The following PPP4R3A variants were observed in gnomAD, a reference collection of about 807,000 sequenced individuals.
PPP4R3A encodes the protein protein phosphatase 4 regulatory subunit 3A.
PPP4R3A carries 15 observed loss-of-function variants against 91.7 expected under a neutral mutation model. The ratio of observed to expected loss-of-function variants is 0.16; its 90% CI spans 0.11 to 0.25. The LOEUF (loss-of-function observed/expected upper bound fraction) is 0.25, where lower values mean the gene tolerates loss of function less well. Ranked by LOEUF, PPP4R3A falls within the 10% of genes least tolerant of loss-of-function variation. The probability of loss-of-function intolerance (pLI) is 1.00; values close to 1 mark genes in which losing one functional copy is unlikely to be tolerated. For missense variants in PPP4R3A, 623 were observed against 998.4 expected (o/e 0.62, Z 5.07); for synonymous variants, 377 against 348.7 (o/e 1.08, Z -0.91).
chr14:91,509,784 G>C lies in PPP4R3A; in HGVS notation c.-137C>G, dbSNP rs942709355. The C allele has an allele frequency of 5.6e-6, 7 of 1,257,062 alleles. No individual in the cohort carries two copies. The highest frequency in any genetic ancestry group is 7.0e-6 in the Non-Finnish European group (7 of 1,005,892). 77.9% of individuals were successfully genotyped at this position (1,257,062 alleles called of 1,614,324 possible). Reference sequence around the variant, plus strand: ...CCTCACTGCCGCCGCTGGGCGCCGCGGGGCCGCGCCGCCGCCTGCATGGCC... The same window carrying C: ...CCTCACTGCCGCCGCTGGGCGCCGCCGGGCCGCGCCGCCGCCTGCATGGCC... On this transcript the variant is annotated 5_prime_UTR_variant, in exon 1 of 15. Coordinates refer to ENST00000554943, the MANE Select transcript of PPP4R3A (RefSeq NM_001366432.2).
At chr14:91,493,257 C>A (rs1215733184) in intron 1 of PPP4R3A, among the ~76,000 whole-genome samples, 1 of 145,326 alleles carries the variant, frequency 6.9e-6, no homozygotes, top group East Asian at 1.9e-4. Flanking sequence ...GGCATGGTTG[C>A]TGTGAGCTGA....
At chr14:91,503,433 T>C (rs1891083284) in intron 1 of PPP4R3A, among the ~76,000 whole-genome samples, 1 of 152,186 alleles carries the variant, frequency 6.6e-6, no homozygotes, top group African/African-American at 2.4e-5. Flanking sequence ...TACAGGTGTT[T>C]AACACCACAC....
chr14:91,507,149 T>C (rs1464834907), intron 1 of PPP4R3A, among the ~76,000 whole-genome samples: 1 of 151,262 alleles, frequency 6.6e-6, no homozygotes, highest in Non-Finnish European at 1.5e-5. Context: ...TGAAACCCCG[T>C]CTCTACTAAA....
chr14:91,483,053 C>G (rs1237283003), intron 3 of PPP4R3A, among the ~76,000 whole-genome samples: 2 of 152,102 alleles, frequency 1.3e-5, no homozygotes, highest in Non-Finnish European at 1.5e-5. Flanking sequence ...AATTTTATGC[C>G]ACTGGAGGGG....
chr14:91,509,128 G>C (rs1024464198), intron 1 of PPP4R3A, among the ~76,000 whole-genome samples: 3 of 152,218 alleles, frequency 2.0e-5, no homozygotes, highest in Admixed American at 6.5e-5. Flanking sequence ...CTGCTTTACA[G>C]ATGGGTGAAC....
intron 1 of PPP4R3A, 139 bp downstream of exon 1, chr14:91,509,367 C>T: frequency 8.2e-7 from 1 of 1,221,620 alleles, no homozygotes; most frequent in Admixed American, 2.4e-5. Context: ...GTACCTGGGG[C>T]CCGTCCTCCC....
intron 14 of PPP4R3A, among the ~76,000 whole-genome samples, chr14:91,460,684 G>A (rs1196143650): frequency 1.6e-5 from 2 of 127,858 alleles, no homozygotes; most frequent in African/African-American, 3.0e-5. Flanking sequence ...TTGCAGTAGC[G>A]ATCTCAGCTC....
intron 4 of PPP4R3A, 87 bp from the exon 5 acceptor site, chr14:91,477,073 T>A: frequency 1.0e-6 from 1 of 1,004,778 alleles, no homozygotes; most frequent in Non-Finnish European, 1.4e-6. Flanking sequence ...TACACAGCAA[T>A]AACTATAAAA....
At position 91,458,243 on chromosome 14, in the gene PPP4R3A, T is replaced by G. The variant is rs1887890709; in HGVS notation, c.*516A>C. 6.4e-6 allele frequency: 1 copy of G among 155,552 alleles called. No homozygotes were observed. The highest frequency in any genetic ancestry group is 2.4e-5 in the African/African-American group (1 of 41,444). 9.6% of individuals were successfully genotyped at this position (155,552 alleles called of 1,614,324 possible). A position where few individuals can be genotyped will look rare whatever the true frequency, so the allele number is the denominator to read the frequency against. ...GGGAACAGTTAAAAAAGAGGAAAACTTTATACTCGCCCCTCCCCCACAGAG... is the reference window on the plus strand; with the variant it reads ...GGGAACAGTTAAAAAAGAGGAAAACGTTATACTCGCCCCTCCCCCACAGAG... On this transcript the variant is annotated 3_prime_UTR_variant, in exon 15 of 15. Coordinates refer to ENST00000554943, the MANE Select transcript of PPP4R3A (RefSeq NM_001366432.2).
At chr14:91,476,105 ACT>A (rs1290428327) in intron 6 of PPP4R3A, 139 bp from the exon 7 acceptor site, 13 of 818,520 alleles carry the variant, frequency 1.6e-5, no homozygotes, top group South Asian at 2.3e-5. Flanking sequence ...TGCATATAAA[ACT>A]CTTATTGTAC....
At chr14:91,459,920 G>A (rs528499503) in intron 14 of PPP4R3A, among the ~76,000 whole-genome samples, 28 of 152,058 alleles carry the variant, frequency 1.8e-4, no homozygotes, top group Admixed American at 3.9e-4. Flanking sequence ...CTATTTATTA[G>A]AGGTTAGGAA....
At chr14:91,469,873 T>C (rs1888735983) in intron 10 of PPP4R3A, among the ~76,000 whole-genome samples, 1 of 151,602 alleles carries the variant, frequency 6.6e-6, no homozygotes, top group African/African-American at 2.4e-5. Flanking sequence ...CATTTATTTA[T>C]TTATAAATTT....
chr14:91,460,637 C>CTTTTTTTTTTTTT (rs573677740), intron 14 of PPP4R3A, among the ~76,000 whole-genome samples: 1 of 111,282 alleles, frequency 9.0e-6, no homozygotes, highest in Non-Finnish European at 1.8e-5. Context: ...GATTTTGTTC[C>CTTTTTTTTTTTTT]TTTTTTTTTT....
chr14:91,464,190 G>A (rs565558115), intron 11 of PPP4R3A, among the ~76,000 whole-genome samples: 36 of 152,196 alleles, frequency 2.4e-4, no homozygotes, highest in African/African-American at 8.7e-4. Flanking sequence ...GTATGGTGGC[G>A]CATGTCTGTA....
intron 1 of PPP4R3A, among the ~76,000 whole-genome samples, chr14:91,504,755 C>T (rs2140167828): frequency 6.6e-6 from 1 of 152,230 alleles, no homozygotes; most frequent in South Asian, 2.1e-4. Context: ...AGGTTGAGTG[C>T]CAAGTTACTC....
rs186395137 is a variant in PPP4R3A, at chr14:91,474,541, C to A, written c.1267-1171G>T. ...GTGTGTATTTTGAGGTATATCAATA[C>A]ATGTTCATATGTTCAGCTCATGGGT... On this transcript the variant is annotated intron_variant, in intron 7 of 14. Coordinates refer to ENST00000554943, the MANE Select transcript of PPP4R3A (RefSeq NM_001366432.2). The A allele has an allele frequency of 3.3e-5, 5 of 152,116 alleles. No homozygotes were observed. The East Asian group carries it at 7.7e-4, about 23-fold the overall frequency. The allele number at this position is 152,116 out of a possible 1,614,324, so 9.4% of individuals were successfully genotyped here.
chr14:91,458,810 TTCATCC>T lies in PPP4R3A; in HGVS notation c.2445_2450del (p.Glu817_Asp818del). 3 of 1,614,048 alleles carry T rather than the reference TTCATCC, an allele frequency of 1.9e-6. No homozygotes were observed. Among genetic ancestry groups the T allele is most frequent in the Middle Eastern group, 1.7e-4 (1 of 6,036 alleles). On this transcript the variant is annotated inframe_deletion, in exon 15 of 15. Coordinates refer to ENST00000554943, the MANE Select transcript of PPP4R3A (RefSeq NM_001366432.2). Reference sequence around the variant, plus strand: ...ACAATGGTAACGTATCTTCCTTATCTTCATCCTCATCATCATCTTCATCATCATCAG... The same window carrying T: ...ACAATGGTAACGTATCTTCCTTATCTTCATCATCATCTTCATCATCATCAG...
At chr14:91,472,004 G>A (rs556861119) in intron 9 of PPP4R3A, among the ~76,000 whole-genome samples, 46 of 141,702 alleles carry the variant, frequency 3.2e-4, no homozygotes, top group African/African-American at 1.2e-3. Context: ...GGCAGAGGTT[G>A]CAGTGAGCCG....
intron 10 of PPP4R3A, among the ~76,000 whole-genome samples, chr14:91,465,859 CTTA>C (rs1422271327): frequency 1.3e-5 from 2 of 152,202 alleles, no homozygotes; most frequent in African/African-American, 2.4e-5. Flanking sequence ...TTTGGACACT[CTTA>C]TTATTTTGCA....
Sources: allele counts gnomAD v4.1 joint callset (sites outside exome capture counted in the v4.1 genomes callset), GRCh38; gene constraint gnomAD v4.1.1; transcripts MANE v1.5; gene names NCBI Gene and HGNC (gene_info 2026-07-23, HGNC 2026-07-21).